CDH13: variants seen among roughly 807,000 people sequenced by gnomAD.
The protein encoded by CDH13 is cadherin-13.
A neutral mutation model predicts 63.8 loss-of-function variants in CDH13; 24 were observed. That is an observed-to-expected ratio of 0.38 (90% CI 0.27 to 0.53). The LOEUF (loss-of-function observed/expected upper bound fraction) is 0.53. CDH13 is among the 20% of genes least tolerant of loss of function. The pLI, the probability that CDH13 is intolerant of heterozygous loss-of-function variation, is 0.85. For missense variants in CDH13, 1,049 were observed against 903.1 expected (o/e 1.16, Z -2.07); for synonymous variants, 503 against 355.3 (o/e 1.42, Z -4.67).
At chr16:83,759,170 C>T (rs917765767) in intron 11 of CDH13, among the ~76,000 whole-genome samples, 2 of 152,120 alleles carry the variant, frequency 1.3e-5, no homozygotes, top group African/African-American at 4.8e-5. Context: ...TAATTGAAAC[C>T]ATGGTATTTG....
At chr16:83,026,091 C>T (rs2151463118) in intron 2 of CDH13, among the ~76,000 whole-genome samples, 2 of 152,300 alleles carry the variant, frequency 1.3e-5, no homozygotes, top group East Asian at 3.9e-4. Context: ...AATTATGCAA[C>T]TGTTAGCTAT....
chr16:83,053,163 A>G (rs998470732), intron 3 of CDH13, among the ~76,000 whole-genome samples: 1 of 152,214 alleles, frequency 6.6e-6, no homozygotes, highest in Non-Finnish European at 1.5e-5. Flanking sequence ...AAATAATATC[A>G]TCTAATAAAG....
intron 6 of CDH13, among the ~76,000 whole-genome samples, chr16:83,460,281 C>G (rs2073140928): frequency 6.6e-6 from 1 of 152,238 alleles, no homozygotes; most frequent in South Asian, 2.1e-4. Flanking sequence ...GAGACCCTCG[C>G]TGACTGCTGT....
intron 6 of CDH13, among the ~76,000 whole-genome samples, chr16:83,458,194 T>G (rs1035550135): frequency 2.0e-5 from 3 of 152,228 alleles, no homozygotes; most frequent in Non-Finnish European, 4.4e-5. Context: ...GATCCCAGGC[T>G]GGCTCCAACT....
intron 6 of CDH13, among the ~76,000 whole-genome samples, chr16:83,474,476 A>AT (rs1055819420): frequency 3.9e-4 from 59 of 152,122 alleles, no homozygotes; most frequent in African/African-American, 1.3e-3. Flanking sequence ...CATCAAGAGA[A>AT]TTTTAAAATA....
chr16:83,086,999 C>T (rs969113905), intron 3 of CDH13, among the ~76,000 whole-genome samples: 3 of 152,126 alleles, frequency 2.0e-5, no homozygotes, highest in Non-Finnish European at 4.4e-5. Context: ...GTCAAAAATA[C>T]ACAACCGCAA....
intron 8 of CDH13, among the ~76,000 whole-genome samples, chr16:83,633,397 G>T (rs1910956240): frequency 6.6e-6 from 1 of 152,176 alleles, no homozygotes; most frequent in Non-Finnish European, 1.5e-5. Context: ...CACCGTAGAA[G>T]AGCACATCTG....
chr16:83,324,946 G>A (rs1216029315), intron 5 of CDH13, among the ~76,000 whole-genome samples: 1 of 152,120 alleles, frequency 6.6e-6, no homozygotes, highest in African/African-American at 2.4e-5. Context: ...CCCAGCCCAT[G>A]TCACCTTTCC....
chr16:83,228,545 G>C (rs896480937), intron 5 of CDH13, among the ~76,000 whole-genome samples: 2 of 152,224 alleles, frequency 1.3e-5, no homozygotes, highest in Non-Finnish European at 2.9e-5. Context: ...CATGTTACAG[G>C]TTCAGCCTTC....
intron 7 of CDH13, among the ~76,000 whole-genome samples, chr16:83,566,419 GT>G (rs1298496409): frequency 3.3e-5 from 5 of 152,140 alleles, no homozygotes; most frequent in Non-Finnish European, 7.4e-5. Context: ...AGGAAGACAA[GT>G]TGCTAAATGA....
rs1350576607 is a variant in CDH13 at position 83,795,089 on chromosome 16, AT to A, written c.*60del. On this transcript the variant is annotated 3_prime_UTR_variant, in exon 14 of 14. Coordinates refer to ENST00000567109, the MANE Select transcript of CDH13 (RefSeq NM_001257.5). ...TTCCATAGCAACAGGAAAAAAAAAA[AT>A]CTATCCAAATCTGAAGATTGCGGTT... The A allele has an allele frequency of 2.8e-5, 39 of 1,405,750 alleles. No individual in the cohort carries two copies. Among genetic ancestry groups the A allele is most frequent in the Non-Finnish European group, 3.5e-5 (36 of 1,024,968 alleles). The allele number at this position is 1,405,750 out of a possible 1,614,324, so 87.1% of individuals were successfully genotyped here.
chr16:83,773,831 C>A (rs1914923860), intron 11 of CDH13, among the ~76,000 whole-genome samples: 1 of 152,306 alleles, frequency 6.6e-6, no homozygotes, highest in African/African-American at 2.4e-5. Flanking sequence ...CAGGCTCCAA[C>A]ACTGTTCCCC....
intron 7 of CDH13, among the ~76,000 whole-genome samples, chr16:83,596,678 C>G (rs938247469): frequency 6.6e-6 from 1 of 152,078 alleles, no homozygotes; most frequent in Non-Finnish European, 1.5e-5. Flanking sequence ...GGAAAAGGCT[C>G]TGAGGATCGG....
chr16:82,947,329 G>A (rs1392437779), intron 2 of CDH13, among the ~76,000 whole-genome samples: 1 of 152,046 alleles, frequency 6.6e-6, no homozygotes, highest in African/African-American at 2.4e-5. Context: ...CCAAGAGTGT[G>A]TACCCAGGAG....
intron 1 of CDH13, among the ~76,000 whole-genome samples, chr16:82,685,302 T>A (rs1407967858): frequency 6.6e-6 from 1 of 152,158 alleles, no homozygotes; most frequent in South Asian, 2.1e-4. Flanking sequence ...GCTTTCCTCA[T>A]CCATGGTGCC....
intron 1 of CDH13, among the ~76,000 whole-genome samples, chr16:82,639,101 C>T (rs974023564): frequency 6.6e-6 from 1 of 152,180 alleles, no homozygotes; most frequent in African/African-American, 2.4e-5. Flanking sequence ...ATTTATTTTC[C>T]TCTATGTTGC....
At chr16:82,830,802 G>A (rs2549160) in intron 1 of CDH13, among the ~76,000 whole-genome samples, 64,601 of 152,044 alleles carry the variant, frequency 0.42, 15,120 homozygotes, top group East Asian at 0.9. Flanking sequence ...TACCATGACC[G>A]TGAAAATAAT....
At chr16:83,563,178 GCATCTAC>G (rs1177945473) in intron 7 of CDH13, among the ~76,000 whole-genome samples, 1 of 152,178 alleles carries the variant, frequency 6.6e-6, no homozygotes, top group Non-Finnish European at 1.5e-5. Flanking sequence ...GCAAAAAATG[GCATCTAC>G]CAGCTGCTTC....
chr16:83,066,733 T>C (rs991677916), intron 3 of CDH13, among the ~76,000 whole-genome samples: 2 of 152,172 alleles, frequency 1.3e-5, no homozygotes, highest in African/African-American at 4.8e-5. Context: ...AAGTCAGTCT[T>C]TTAATTTACA....
Sources: gnomAD v4.1 joint callset for allele counts (sites outside exome capture counted in the v4.1 genomes callset) on GRCh38, gnomAD v4.1.1 for gene constraint, MANE v1.5 for transcripts, NCBI Gene and HGNC (gene_info 2026-07-23, HGNC 2026-07-21) for gene names.